The following PLCXD2 variants were observed in gnomAD, a reference collection of about 807,000 sequenced individuals.
PLCXD2 encodes the protein PI-PLC X domain-containing protein 2.
PLCXD2 carries 21 observed loss-of-function variants against 28.6 expected under a neutral mutation model. The observed-to-expected ratio is 0.73, with a 90% CI of 0.52 to 1.06. The LOEUF is 1.06. Ranked by LOEUF, PLCXD2 falls within the 50% of genes least tolerant of loss-of-function variation. The pLI is 0.00. For missense variants in PLCXD2, 369 were observed against 376.7 expected (o/e 0.98, Z 0.17); for synonymous variants, 140 against 150.1 (o/e 0.93, Z 0.49).
intron 2 of PLCXD2, among the ~76,000 whole-genome samples, chr3:111,710,079 A>G (rs552510267): frequency 4.4e-4 from 67 of 152,302 alleles, no homozygotes; most frequent in African/African-American, 1.6e-3. Context: ...GGATTCAAGG[A>G]TGAGTCCCAG....
At chr3:111,702,266 C>T (rs924593101) in intron 1 of PLCXD2, among the ~76,000 whole-genome samples, 1 of 152,064 alleles carries the variant, frequency 6.6e-6, no homozygotes, top group African/African-American at 2.4e-5. Context: ...GAAGGTTCCA[C>T]AAACAAACTG....
chr3:111,685,865 C>T (rs959806165), intron 1 of PLCXD2, among the ~76,000 whole-genome samples: 1 of 152,152 alleles, frequency 6.6e-6, no homozygotes, highest in Non-Finnish European at 1.5e-5. Flanking sequence ...AAGAGAAAAT[C>T]TTTCAAAAGA....
At chr3:111,695,160 T>A (rs201150767) in intron 1 of PLCXD2, among the ~76,000 whole-genome samples, 24 of 132,318 alleles carry the variant, frequency 1.8e-4, no homozygotes, top group South Asian at 2.5e-4. Flanking sequence ...ACCCATTTTC[T>A]AAAAAAAAAA....
chr3:111,708,108 CGT>C lies in PLCXD2; in HGVS notation c.351_352del (p.Ser118PhefsTer29). On this transcript the variant is annotated frameshift_variant, in exon 2 of 5. Coordinates refer to ENST00000477665, the MANE Select transcript of PLCXD2 (RefSeq NM_001185106.1). LOFTEE classifies it high-confidence loss of function. Reference sequence around the variant, plus strand: ...AGCTGGGATCCGCTACTTTGACCTGCGTGTGTCTTCCAAACCAGGGGATGCCG... The same window carrying C: ...AGCTGGGATCCGCTACTTTGACCTGCGTGTCTTCCAAACCAGGGGATGCCG... 1 of 1,614,206 alleles carries C rather than the reference CGT, an allele frequency of 6.2e-7. No individual in the cohort carries two copies. The highest frequency in any genetic ancestry group is 8.5e-7 in the Non-Finnish European group (1 of 1,180,044).
In PLCXD2 at chr3:111,713,355, A is replaced by G. The variant is rs145884080; in HGVS notation, c.625-532A>G. On this transcript the variant is annotated intron_variant, in intron 2 of 4. Coordinates refer to ENST00000477665, the MANE Select transcript of PLCXD2 (RefSeq NM_001185106.1). ...TGAGGGCAGGCGGTGACCCACAACA[A>G]TCTTAGCCCTGCCTGATTTTTATCT... Among the ~76,000 whole-genome samples the G allele has an allele frequency of 1.5e-3, 221 of 152,324 alleles. 4 individuals are homozygous for G. In the East Asian group the frequency reaches 0.034, roughly 23 times the overall value.
At chr3:111,725,549 A>G (rs1941404572) in intron 3 of PLCXD2, 2 of 398,142 alleles carry the variant, frequency 5.0e-6, no homozygotes, top group Non-Finnish European at 4.4e-6. Flanking sequence ...CAATAGCACT[A>G]TAACCCTAAA....
chr3:111,687,228 T>C (rs1461609634), intron 1 of PLCXD2, among the ~76,000 whole-genome samples: 1 of 152,204 alleles, frequency 6.6e-6, no homozygotes, highest in Non-Finnish European at 1.5e-5. Flanking sequence ...GATGTGGAGA[T>C]AAATAGCACT....
At chr3:111,698,428 T>C (rs1252323169) in intron 1 of PLCXD2, among the ~76,000 whole-genome samples, 3 of 152,254 alleles carry the variant, frequency 2.0e-5, no homozygotes, top group Non-Finnish European at 4.4e-5. Flanking sequence ...TTCAGAGCTA[T>C]GGTAATTCAC....
intron 1 of PLCXD2, among the ~76,000 whole-genome samples, chr3:111,678,364 A>G (rs1940656426): frequency 6.6e-6 from 1 of 152,252 alleles, no homozygotes; most frequent in African/African-American, 2.4e-5. Flanking sequence ...TCCAGACATC[A>G]TAAAAGACAG....
At chr3:111,688,844 A>G (rs1940833945) in intron 1 of PLCXD2, among the ~76,000 whole-genome samples, 2 of 151,362 alleles carry the variant, frequency 1.3e-5, no homozygotes, top group African/African-American at 4.9e-5. Context: ...AAAGAATTAA[A>G]TAAGATATAC....
chr3:111,691,315 T>C (rs78953510), intron 1 of PLCXD2: 1 of 152,328 alleles, frequency 6.6e-6, no homozygotes, highest in African/African-American at 2.4e-5. Context: ...ATTCTTAAGA[T>C]AGAAGAGACC....
chr3:111,702,366 GAAGT>G (rs1941056018), intron 1 of PLCXD2, among the ~76,000 whole-genome samples: 1 of 152,174 alleles, frequency 6.6e-6, no homozygotes, highest in South Asian at 2.1e-4. Flanking sequence ...CAGATGGAAA[GAAGT>G]ATGTCATAGC....
chr3:111,721,203 T>C, intron 3 of PLCXD2: 1 of 169,924 alleles, frequency 5.9e-6, no homozygotes, highest in Non-Finnish European at 1.3e-5. Flanking sequence ...GTATTGAGTG[T>C]CCCCCTAATT....
intron 1 of PLCXD2, among the ~76,000 whole-genome samples, chr3:111,701,485 G>T (rs1437639736): frequency 1.3e-5 from 2 of 152,168 alleles, no homozygotes; most frequent in Admixed American, 6.5e-5. Context: ...GGTAAGAGAT[G>T]AGTCTGAAAT....
intron 3 of PLCXD2, chr3:111,722,394 G>A (rs1941359099): frequency 1.3e-5 from 2 of 152,042 alleles, no homozygotes; most frequent in Admixed American, 1.3e-4. Flanking sequence ...CAGTCCTCCT[G>A]GGGACAGTAT....
At chr3:111,709,465 T>TACAC (rs1277756864) in intron 2 of PLCXD2, among the ~76,000 whole-genome samples, 1 of 128,368 alleles carries the variant, frequency 7.8e-6, no homozygotes, top group African/African-American at 3.9e-5. Flanking sequence ...TGTGTGTGTA[T>TACAC]ATACACACAC....
At chr3:111,717,639 G>C (rs1178656955) in intron 3 of PLCXD2, among the ~76,000 whole-genome samples, 4 of 152,146 alleles carry the variant, frequency 2.6e-5, no homozygotes, top group African/African-American at 9.7e-5. Context: ...TCAGGCTCCA[G>C]GGATCCTCCA....
At chr3:111,700,099 G>T (rs1941019943) in intron 1 of PLCXD2, among the ~76,000 whole-genome samples, 1 of 152,198 alleles carries the variant, frequency 6.6e-6, no homozygotes, top group Admixed American at 6.5e-5. Context: ...GTCCCAGAGA[G>T]ATTTTGACTT....
intron 1 of PLCXD2, among the ~76,000 whole-genome samples, chr3:111,700,195 C>T (rs1025943939): frequency 6.6e-6 from 1 of 152,154 alleles, no homozygotes; most frequent in African/African-American, 2.4e-5. Context: ...TGATATGCAT[C>T]TAAGGTTGAG....
Sources: allele counts gnomAD v4.1 joint callset (sites outside exome capture counted in the v4.1 genomes callset), GRCh38; gene constraint gnomAD v4.1.1; transcripts MANE v1.5; gene names NCBI Gene and HGNC (gene_info 2026-07-23, HGNC 2026-07-21).